The following ATP11C variants were observed in gnomAD, a reference collection of about 807,000 sequenced individuals.
The protein encoded by ATP11C is phospholipid-transporting ATPase IG.
In ATP11C, 36 loss-of-function variants were observed where a neutral mutation model predicts 97.4. That is an observed-to-expected ratio of 0.37 (90% CI 0.28 to 0.49). ATP11C has a LOEUF of 0.49. Ranked by LOEUF, ATP11C falls within the 20% of genes least tolerant of loss-of-function variation. The pLI is 0.98. For missense variants in ATP11C, 730 were observed against 824.6 expected, an observed-to-expected ratio of 0.89 and a Z score of 1.40; for synonymous variants, 275 against 290.9, an observed-to-expected ratio of 0.95 and a Z score of 0.56.
intron 1 of ATP11C, among the ~76,000 whole-genome samples, chrX:139,895,528 C>T (rs1372335546): frequency 1.8e-5 from 2 of 111,918 alleles, no homozygotes; most frequent in Non-Finnish European, 3.8e-5. Context: ...CCCCAGCCTC[C>T]CAAAGTGCTG....
intron 1 of ATP11C, among the ~76,000 whole-genome samples, chrX:139,886,502 T>C (rs955314282): frequency 1.6e-4 from 17 of 107,135 alleles, no homozygotes; most frequent in Non-Finnish European, 2.5e-4. Context: ...GGCAGAAGAA[T>C]TGCTTGATTG....
In ATP11C at chrX:139,821,773, C is replaced by G. The variant is rs142562692; in HGVS notation, c.148-2346G>C. 7.1e-3 allele frequency among the ~76,000 whole-genome samples: 797 copies of G among 112,060 alleles called. 8 individuals carry two copies. Among genetic ancestry groups the G allele is most frequent in the African/African-American group, 0.024 (750 of 30,852 alleles). ...GTCCCCTTATCACAGGTGCCTAGAA[C>G]AATAGTTTAGCACACAGAAGATATA... On this transcript the variant is annotated intron_variant, in intron 2 of 29. Transcript: ENST00000682941.
At chrX:139,874,363 T>C (rs2084433137) in intron 1 of ATP11C, among the ~76,000 whole-genome samples, 1 of 109,877 alleles carries the variant, frequency 9.1e-6, no homozygotes, top group Non-Finnish European at 1.9e-5. Context: ...CCTGGCACAA[T>C]CAGGTTTTTC....
At chrX:139,922,821 T>G (rs1257279269) in intron 1 of ATP11C, among the ~76,000 whole-genome samples, 1 of 111,693 alleles carries the variant, frequency 9.0e-6, no homozygotes, top group African/African-American at 3.3e-5. Context: ...AGAGTCTCGC[T>G]CTATTACTCA....
Position 139,816,940 on chromosome X carries a change from T to C in ATP11C, c.241A>G (p.Thr81Ala). ...ACTGGGCTAGTTGGTGTGTCTACTG[T>C]GACCTAGGTAAATAAAATTAAATTG... ...YFLIIFLVQV[T>A]VDTPTSPVTS... The change falls in exon 4 of 30, where the codon ACA (threonine) becomes GCA (alanine). Residue 81 changes from threonine (T) to alanine (A), a missense_variant. Coordinates refer to ENST00000682941, the MANE Select transcript of ATP11C (RefSeq NM_001353812.2). The C allele has an allele frequency of 8.6e-7, 1 of 1,169,253 alleles. No homozygotes were observed. Among genetic ancestry groups the C allele is most frequent in the East Asian group, 3.0e-5 (1 of 32,993 alleles).
Position 139,844,586 on chromosome X carries a change from G to A in ATP11C, c.28-17763C>T, listed in dbSNP as rs757565651. Among the ~76,000 whole-genome samples, 157 of 112,166 alleles carry A rather than the reference G, an allele frequency of 1.4e-3. 1 individual carries two copies. The highest frequency in any genetic ancestry group is 2.7e-3 in the Non-Finnish European group (142 of 53,221). On this transcript the variant is annotated intron_variant, in intron 1 of 29. Transcript: ENST00000682941. ...GAACAAGAAGGGGGCCACAGATTTAGAATTGCAAATGGTTGGCCTCAGACA... is the reference window on the plus strand; with the variant it reads ...GAACAAGAAGGGGGCCACAGATTTAAAATTGCAAATGGTTGGCCTCAGACA...
At chrX:139,848,040 C>G (rs2147944999) in intron 1 of ATP11C, among the ~76,000 whole-genome samples, 1 of 111,352 alleles carries the variant, frequency 9.0e-6, no homozygotes, top group South Asian at 3.8e-4. Flanking sequence ...ATTTGGGTCA[C>G]TGGTGGCCTC....
chrX:139,754,114 A>G (rs922471953), intron 23 of ATP11C, among the ~76,000 whole-genome samples: 3 of 111,798 alleles, frequency 2.7e-5, no homozygotes, highest in Non-Finnish European at 5.6e-5. Flanking sequence ...GAAAATTCAA[A>G]TAAACACAAT....
At chrX:139,936,872 G>A (rs2085516670), upstream of ATP11C, among the ~76,000 whole-genome samples, 1 of 110,463 alleles carries the variant, frequency 9.1e-6, no homozygotes, top group Admixed American at 9.7e-5. Context: ...GGAGGGGAGC[G>A]GTGCGAAGGA....
chrX:139,785,029 T>C (rs1406650510), intron 16 of ATP11C, among the ~76,000 whole-genome samples, 197 bp downstream of exon 16: 3 of 111,782 alleles, frequency 2.7e-5, no homozygotes, highest in Non-Finnish European at 3.8e-5. Flanking sequence ...TAACAAGGGT[T>C]CTGTCACTAA....
intron 23 of ATP11C, among the ~76,000 whole-genome samples, chrX:139,754,510 C>T (rs1346632358): frequency 1.8e-5 from 2 of 111,685 alleles, no homozygotes; most frequent in Non-Finnish European, 3.8e-5. Flanking sequence ...CATTCTGATA[C>T]GGAAACCTTG....
intron 1 of ATP11C, among the ~76,000 whole-genome samples, chrX:139,918,434 A>C: frequency 9.0e-6 from 1 of 110,596 alleles, no homozygotes; most frequent in Non-Finnish European, 1.9e-5. Context: ...CAACATGGCG[A>C]AACCCCGTCT....
chrX:139,843,268 G>C (rs772721832), intron 1 of ATP11C, among the ~76,000 whole-genome samples: 1 of 111,956 alleles, frequency 8.9e-6, no homozygotes, highest in African/African-American at 3.3e-5. Context: ...TGTCTGTTAC[G>C]TGCAGATGAA....
At chrX:139,876,727 A>C (rs1289093417) in intron 1 of ATP11C, among the ~76,000 whole-genome samples, 2 of 112,400 alleles carry the variant, frequency 1.8e-5, no homozygotes, top group East Asian at 5.6e-4. Context: ...GGAGGTAACG[A>C]TGTAGAAAGT....
chrX:139,764,140 C>T (rs1355393241), intron 20 of ATP11C, among the ~76,000 whole-genome samples: 1 of 111,856 alleles, frequency 8.9e-6, no homozygotes, highest in African/African-American at 3.3e-5. Context: ...CTCACCTTCC[C>T]TAGGAGCACA....
chrX:139,912,822 G>A (rs1320865706), intron 1 of ATP11C, among the ~76,000 whole-genome samples: 1 of 111,566 alleles, frequency 9.0e-6, no homozygotes, highest in African/African-American at 3.3e-5. Flanking sequence ...TATTTTAATT[G>A]CACTGCCTGA....
At chrX:139,860,804 C>T (rs756362527) in intron 1 of ATP11C, among the ~76,000 whole-genome samples, 12 of 111,936 alleles carry the variant, frequency 1.1e-4, no homozygotes, top group Non-Finnish European at 1.9e-4. Context: ...GGCAACAGAG[C>T]GAGACTCCGT....
At chrX:139,920,350 C>CA (rs765081033) in intron 1 of ATP11C, among the ~76,000 whole-genome samples, 152 of 56,648 alleles carry the variant, frequency 2.7e-3, no homozygotes, top group South Asian at 6.4e-3. Flanking sequence ...GACTCCACCT[C>CA]AAAAAAAAAA....
chrX:139,910,644 G>C (rs2085058958), intron 1 of ATP11C, among the ~76,000 whole-genome samples: 1 of 110,059 alleles, frequency 9.1e-6, no homozygotes, highest in South Asian at 3.9e-4. Context: ...AGGACAACTG[G>C]ATTAAAATAA....
Sources: gnomAD v4.1 joint callset for allele counts (sites outside exome capture counted in the v4.1 genomes callset) on GRCh38, gnomAD v4.1.1 for gene constraint, MANE v1.5 for transcripts, NCBI Gene and HGNC (gene_info 2026-07-23, HGNC 2026-07-21) for gene names.